EXOC6B: variants seen among roughly 807,000 people sequenced by gnomAD.
EXOC6B encodes the protein SEC15 homolog B.
A neutral mutation model predicts 113.5 loss-of-function variants in EXOC6B; 54 were observed. The ratio of observed to expected loss-of-function variants is 0.48; its 90% CI spans 0.38 to 0.60. The LOEUF (loss-of-function observed/expected upper bound fraction) is 0.60, where lower values mean the gene tolerates loss of function less well. Among genes scored for constraint, EXOC6B ranks in the 20% least tolerant of loss-of-function variants. The pLI, the probability that EXOC6B is intolerant of heterozygous loss-of-function variation, is 0.00. For missense variants in EXOC6B, 797 were observed against 977.5 expected (o/e 0.82, Z 2.46); for synonymous variants, 357 against 339.0 (o/e 1.05, Z -0.58).
At chr2:72,433,116 T>A (rs1695644671) in intron 18 of EXOC6B, among the ~76,000 whole-genome samples, 1 of 152,244 alleles carries the variant, frequency 6.6e-6, no homozygotes, top group African/African-American at 2.4e-5. Context: ...CAGTATCAGT[T>A]TTCTGCACAT....
At chr2:72,556,340 A>G (rs939867811) in intron 8 of EXOC6B, among the ~76,000 whole-genome samples, 1 of 152,214 alleles carries the variant, frequency 6.6e-6, no homozygotes, top group Admixed American at 6.5e-5. Context: ...CAGAGTTTCA[A>G]TGGGAAATCA....
intron 19 of EXOC6B, among the ~76,000 whole-genome samples, chr2:72,352,181 T>G (rs921128698): frequency 1.7e-4 from 26 of 152,230 alleles, no homozygotes; most frequent in Non-Finnish European, 3.4e-4. Context: ...TAGCTATTAG[T>G]GGTTAAACAA....
chr2:72,588,954 A>G (rs911242431), intron 6 of EXOC6B, among the ~76,000 whole-genome samples: 1 of 152,058 alleles, frequency 6.6e-6, no homozygotes, highest in Non-Finnish European at 1.5e-5. Context: ...ACTCACACCA[A>G]CATGGGTTAA....
intron 18 of EXOC6B, among the ~76,000 whole-genome samples, chr2:72,445,326 C>T (rs186603086): frequency 6.6e-6 from 1 of 152,272 alleles, no homozygotes; most frequent in Admixed American, 6.5e-5. Context: ...AGTCTCTAGG[C>T]AGTTCCAAAC....
At chr2:72,731,686 G>A (rs962298185) in intron 3 of EXOC6B, among the ~76,000 whole-genome samples, 9 of 152,116 alleles carry the variant, frequency 5.9e-5, no homozygotes, top group African/African-American at 2.2e-4. Context: ...GTACTCCACA[G>A]AATTTAGAAT....
At chr2:72,539,412 TG>T (rs936435686) in intron 8 of EXOC6B, among the ~76,000 whole-genome samples, 1 of 152,216 alleles carries the variant, frequency 6.6e-6, no homozygotes, top group Non-Finnish European at 1.5e-5. Flanking sequence ...AGAATTCATC[TG>T]TTTTTCATAA....
chr2:72,394,093 C>G (rs903769550), intron 18 of EXOC6B, among the ~76,000 whole-genome samples: 4 of 152,036 alleles, frequency 2.6e-5, no homozygotes, highest in Non-Finnish European at 4.4e-5. Context: ...ATTTTTAATA[C>G]AGTACCTGGA....
At chr2:72,672,258 T>C (rs922887323) in intron 6 of EXOC6B, among the ~76,000 whole-genome samples, 12 of 149,120 alleles carry the variant, frequency 8.0e-5, no homozygotes, top group African/African-American at 3.0e-4. Flanking sequence ...TACACTCGCA[T>C]GTTTATTGCA....
At chr2:72,715,211 G>A (rs1023112463) in intron 6 of EXOC6B, among the ~76,000 whole-genome samples, 14 of 152,028 alleles carry the variant, frequency 9.2e-5, no homozygotes, top group Admixed American at 2.6e-4. Flanking sequence ...TAGTGACAGA[G>A]TGAGACTCCG....
At chr2:72,304,895 T>C (rs1286960156) in intron 20 of EXOC6B, among the ~76,000 whole-genome samples, 2 of 152,006 alleles carry the variant, frequency 1.3e-5, no homozygotes, top group Non-Finnish European at 2.9e-5. Flanking sequence ...TATCAGACAG[T>C]TGAGATTGAG....
At chr2:72,322,616 A>G (rs1687899913) in intron 20 of EXOC6B, among the ~76,000 whole-genome samples, 1 of 152,222 alleles carries the variant, frequency 6.6e-6, no homozygotes, top group Admixed American at 6.5e-5. Context: ...TAACCAAAAC[A>G]GCATGGTACT....
rs148786693 is a variant in EXOC6B at position 72,598,875 on chromosome 2, T to C, written c.670-23207A>G. Reference sequence around the variant, plus strand: ...AAAATATGTAATTTAAATATATCTGTATCCCATATCTGTTAAACAAATTGA... The same window carrying C: ...AAAATATGTAATTTAAATATATCTGCATCCCATATCTGTTAAACAAATTGA... On this transcript the variant is annotated intron_variant, in intron 6 of 21. Coordinates refer to ENST00000272427, the MANE Select transcript of EXOC6B (RefSeq NM_015189.3). Among the ~76,000 whole-genome samples, 15 of 152,190 alleles carry C rather than the reference T, an allele frequency of 9.9e-5. No homozygotes were observed. The East Asian group carries it at 2.9e-3, about 29-fold the overall frequency.
chr2:72,295,595 T>C (rs1464418257), intron 20 of EXOC6B, among the ~76,000 whole-genome samples: 1 of 152,164 alleles, frequency 6.6e-6, no homozygotes, highest in African/African-American at 2.4e-5. Context: ...TGCTGAGCTG[T>C]TGTCTATGGT....
chr2:72,398,984 G>A (rs1411686478), intron 18 of EXOC6B, among the ~76,000 whole-genome samples: 2 of 142,658 alleles, frequency 1.4e-5, no homozygotes, highest in African/African-American at 5.4e-5. Context: ...GTATCACCCT[G>A]ATACCAAAGC....
chr2:72,209,405 T>C (rs1573001985), intron 20 of EXOC6B, among the ~76,000 whole-genome samples: 1 of 152,236 alleles, frequency 6.6e-6, no homozygotes, highest in South Asian at 2.1e-4. Context: ...ATTTTCAGGT[T>C]TCTGAGGCTG....
intron 1 of EXOC6B, among the ~76,000 whole-genome samples, chr2:72,776,902 A>G (rs1683737694): frequency 6.6e-6 from 1 of 152,108 alleles, no homozygotes; most frequent in South Asian, 2.1e-4. Flanking sequence ...AAGTAGAATA[A>G]ACTCACAAAC....
intron 6 of EXOC6B, among the ~76,000 whole-genome samples, chr2:72,657,331 T>C (rs1040726780): frequency 3.4e-5 from 5 of 147,178 alleles, no homozygotes; most frequent in Non-Finnish European, 7.4e-5. Flanking sequence ...GTTCAAGCAA[T>C]TCTCTTGCCT....
intron 8 of EXOC6B, among the ~76,000 whole-genome samples, chr2:72,548,477 A>G (rs1243508917): frequency 6.6e-6 from 1 of 152,208 alleles, no homozygotes; most frequent in Non-Finnish European, 1.5e-5. Context: ...TCAGATAAAC[A>G]CTATTGTAAA....
intron 11 of EXOC6B, among the ~76,000 whole-genome samples, chr2:72,504,183 C>T (rs1313349663): frequency 1.3e-5 from 2 of 152,168 alleles, no homozygotes; most frequent in Admixed American, 1.3e-4. Context: ...GCTGGCATTA[C>T]AGGCATGAGC....
Sources: gnomAD v4.1 joint callset for allele counts (sites outside exome capture counted in the v4.1 genomes callset) on GRCh38, gnomAD v4.1.1 for gene constraint, MANE v1.5 for transcripts, NCBI Gene and HGNC (gene_info 2026-07-23, HGNC 2026-07-21) for gene names.